Variants in ECM2 observed in about 807,000 individuals in gnomAD.
ECM2 encodes extracellular matrix protein 2, female organ and adipocyte specific.
In ECM2, 57 loss-of-function variants were observed where a neutral mutation model predicts 67.5. The observed-to-expected ratio is 0.84, with a 90% CI of 0.68 to 1.05. The LOEUF (loss-of-function observed/expected upper bound fraction) is 1.05, where lower values mean the gene tolerates loss of function less well. ECM2 is among the 50% of genes least tolerant of loss of function. ECM2 has a pLI of 0.00. For missense variants in ECM2, 741 were observed against 822.8 expected, an observed-to-expected ratio of 0.90 and a Z score of 1.22; for synonymous variants, 258 against 294.5, an observed-to-expected ratio of 0.88 and a Z score of 1.27.
downstream of ECM2, among the ~76,000 whole-genome samples, chr9:92,494,849 G>C (rs186874096): frequency 1.4e-3 from 219 of 152,246 alleles, no homozygotes; most frequent in African/African-American, 4.8e-3. Context: ...AGAGGTTGCA[G>C]TGAGCCGAGA....
the ECM2 span, among the ~76,000 whole-genome samples, chr9:92,542,262 C>T: frequency 1.3e-5 from 2 of 152,140 alleles, no homozygotes; most frequent in East Asian, 3.9e-4. Context: ...TGTTTTCTTG[C>T]TATCAAGTTC....
intron 1 of ECM2, among the ~76,000 whole-genome samples, chr9:92,532,967 G>C (rs1184388352): frequency 6.6e-6 from 1 of 151,984 alleles, no homozygotes; most frequent in Non-Finnish European, 1.5e-5. Flanking sequence ...ATAGAATATT[G>C]AGTGATTTGA....
intron 4 of ECM2, 56 bp downstream of exon 4, chr9:92,514,575 G>T: frequency 6.6e-7 from 1 of 1,524,026 alleles, no homozygotes; most frequent in Non-Finnish European, 8.8e-7. Context: ...GTGCCCAGCT[G>T]CTAAGAGTCA....
chr9:92,522,988 C>A (rs1848171706), intron 1 of ECM2, 95 bp from the exon 2 acceptor site: 1 of 1,201,442 alleles, frequency 8.3e-7, no homozygotes, highest in African/African-American at 1.5e-5. Flanking sequence ...GTAGGCAAGT[C>A]TTTGAGAAAT....
chr9:92,539,061 G>A (rs1849253947), upstream of ECM2: 1 of 152,120 alleles, frequency 6.6e-6, no homozygotes, highest in African/African-American at 2.4e-5. Context: ...GTTTTACCTT[G>A]TTCAGCCCGA....
Position 92,495,877 on chromosome 9 carries a change from CA to C in ECM2, c.*437del. 4 of 980,482 alleles carry C rather than the reference CA, an allele frequency of 4.1e-6. No individual in the cohort carries two copies. In the South Asian group the frequency reaches 1.9e-4, roughly 46 times the overall value. The allele number at this position is 980,482 out of a possible 1,614,324, so 60.7% of individuals were successfully genotyped here. A position where few individuals can be genotyped will look rare whatever the true frequency, so the allele number is the denominator to read the frequency against. On this transcript the variant is annotated 3_prime_UTR_variant, in exon 10 of 10. Transcript: ENST00000344604. The stretch of plus-strand genomic sequence containing the variant: ...AACAAATTATTGTTTTAATAATAAA[CA>C]ACACTTATTCATAAATTCTGCCTGC...
At chr9:92,512,184 A>G (rs1185901408) in intron 4 of ECM2, 58 bp from the exon 5 acceptor site, 1 of 1,127,332 alleles carries the variant, frequency 8.9e-7, no homozygotes, top group Admixed American at 1.8e-5. Context: ...ATGTACACAC[A>G]TGTATGGGCA....
chr9:92,551,953 G>GATATATATATATATATGAT, the ECM2 span, among the ~76,000 whole-genome samples: 1 of 108,136 alleles, frequency 9.2e-6, no homozygotes, highest in African/African-American at 4.4e-5. Context: ...ATATATATAT[G>GATATATATATATATATGAT]ATATATATAT....
Position 92,517,855 on chromosome 9 carries a change from CCAAA to C in ECM2, c.309_312del (p.Cys103TrpfsTer2), listed in dbSNP as rs1847821958. 2 of 1,614,132 alleles carry C rather than the reference CCAAA, an allele frequency of 1.2e-6. No homozygotes were observed. Among genetic ancestry groups the C allele is most frequent in the Non-Finnish European group, 1.7e-6 (2 of 1,180,032 alleles). ...TTGTTGTACATGGTTATGCCCTTTA[CCAAA>C]CAGTGTCCCTTCTTTCCTAGAAGAA... On this transcript the variant is annotated frameshift_variant, in exon 3 of 10. Coordinates refer to ENST00000344604, the MANE Select transcript of ECM2 (RefSeq NM_001393.4). LOFTEE classifies it high-confidence loss of function.
At chr9:92,508,779 CT>C (rs1404765482) in intron 6 of ECM2, among the ~76,000 whole-genome samples, 1 of 152,030 alleles carries the variant, frequency 6.6e-6, no homozygotes, top group Non-Finnish European at 1.5e-5. Context: ...TGTTTTGTTC[CT>C]GTGAAGTTTT....
At chr9:92,529,503 C>T (rs374009494) in intron 1 of ECM2, among the ~76,000 whole-genome samples, 3 of 152,072 alleles carry the variant, frequency 2.0e-5, no homozygotes, top group African/African-American at 7.2e-5. Flanking sequence ...AAAACCTGCA[C>T]GCAGATATGT....
At chr9:92,550,491 GAATT>G in the ECM2 span, among the ~76,000 whole-genome samples, 1 of 151,828 alleles carries the variant, frequency 6.6e-6, no homozygotes, top group Non-Finnish European at 1.5e-5. Flanking sequence ...TTGTTTTTGA[GAATT>G]AAAATAAACT....
rs1204648998 is a variant in ECM2 at position 92,517,827 on chromosome 9, GC to G, written c.340del (p.Ala114LeufsTer56). ...LVKGITMYNK[A>X]VWSPEPCTTC... is the part of the protein sequence containing the mutation. ...AGTGCAGGGCTCAGGCGACCACACAGCTTTGTTGTACATGGTTATGCCCTTT... is the reference window on the plus strand; with the variant it reads ...AGTGCAGGGCTCAGGCGACCACACAGTTTGTTGTACATGGTTATGCCCTTT... On this transcript the variant is annotated frameshift_variant, in exon 3 of 10. Coordinates refer to ENST00000344604, the MANE Select transcript of ECM2 (RefSeq NM_001393.4). LOFTEE classifies it high-confidence loss of function. 1 of 1,614,030 alleles carries G rather than the reference GC, an allele frequency of 6.2e-7. No individual in the cohort carries two copies. The highest frequency in any genetic ancestry group is 8.5e-7 in the Non-Finnish European group (1 of 1,180,046).
the ECM2 span, among the ~76,000 whole-genome samples, chr9:92,552,692 G>GT: frequency 1.3e-5 from 2 of 151,998 alleles, no homozygotes; most frequent in Non-Finnish European, 1.5e-5. Context: ...TGATAGGATT[G>GT]TTTTTTTCTT....
At chr9:92,552,442 C>T in the ECM2 span, among the ~76,000 whole-genome samples, 11 of 152,280 alleles carry the variant, frequency 7.2e-5, no homozygotes, top group African/African-American at 2.4e-4. Flanking sequence ...AGTGGCTGTA[C>T]TAGTTTTCAT....
At chr9:92,494,921 T>C (rs1268049920), downstream of ECM2, among the ~76,000 whole-genome samples, 1 of 151,974 alleles carries the variant, frequency 6.6e-6, no homozygotes, top group African/African-American at 2.4e-5. Context: ...ATAATAATAA[T>C]AACATTATGG....
chr9:92,514,124 CTTTT>C (rs34816093), intron 4 of ECM2, among the ~76,000 whole-genome samples: 4 of 136,292 alleles, frequency 2.9e-5, no homozygotes, highest in Non-Finnish European at 6.3e-5. Flanking sequence ...GAATCGTTCA[CTTTT>C]TTTTTTTTTT....
At chr9:92,522,254 T>C (rs1014213361) in intron 2 of ECM2, among the ~76,000 whole-genome samples, 1 of 151,878 alleles carries the variant, frequency 6.6e-6, no homozygotes, top group Non-Finnish European at 1.5e-5. Flanking sequence ...ACCCGGCTAA[T>C]TTTTTGTATT....
chr9:92,545,910 T>A, the ECM2 span, among the ~76,000 whole-genome samples: 1 of 152,036 alleles, frequency 6.6e-6, no homozygotes, highest in Non-Finnish European at 1.5e-5. Context: ...TTGGAGAACC[T>A]TTATGTCTAG....
Sources: gnomAD v4.1 joint callset for allele counts (sites outside exome capture counted in the v4.1 genomes callset) on GRCh38, gnomAD v4.1.1 for gene constraint, MANE v1.5 for transcripts, NCBI Gene and HGNC (gene_info 2026-07-23, HGNC 2026-07-21) for gene names.